Variants in NRG3 observed in about 807,000 individuals in gnomAD.
NRG3 encodes the protein pro-neuregulin-3, membrane-bound isoform.
Under a neutral mutation model 66.9 loss-of-function variants are expected in NRG3, and 31 were observed. That is an observed-to-expected ratio of 0.46 (90% CI 0.35 to 0.63). The LOEUF is 0.63. NRG3 is among the 20% of genes least tolerant of loss of function. The pLI is 0.00. For missense variants in NRG3, 910 were observed against 878.9 expected (o/e 1.04, Z -0.45); for synonymous variants, 393 against 359.4 (o/e 1.09, Z -1.06).
intron 7 of NRG3, among the ~76,000 whole-genome samples, chr10:82,977,452 T>C (rs1054578408): frequency 9.2e-5 from 14 of 151,832 alleles, no homozygotes; most frequent in African/African-American, 2.7e-4. Flanking sequence ...CTACTAAAAA[T>C]ACAAAAATTA....
chr10:82,125,494 T>A (rs1314963721), intron 1 of NRG3, among the ~76,000 whole-genome samples: 3 of 152,088 alleles, frequency 2.0e-5, no homozygotes, highest in African/African-American at 7.2e-5. Context: ...GTTAAAGTTT[T>A]TTGAAAAATG....
intron 1 of NRG3, among the ~76,000 whole-genome samples, chr10:81,941,376 C>G (rs1848389354): frequency 6.6e-6 from 1 of 151,944 alleles, no homozygotes; most frequent in Non-Finnish European, 1.5e-5. Flanking sequence ...CATTGGGTAC[C>G]TCACTTGAAA....
chr10:82,265,759 G>A (rs1233865376), intron 1 of NRG3, among the ~76,000 whole-genome samples: 2 of 152,160 alleles, frequency 1.3e-5, no homozygotes, highest in Non-Finnish European at 2.9e-5. Flanking sequence ...TCAGAGGATG[G>A]TGGTGGGGAG....
At chr10:82,762,689 T>G (rs2059375938) in intron 3 of NRG3, among the ~76,000 whole-genome samples, 1 of 152,216 alleles carries the variant, frequency 6.6e-6, no homozygotes, top group Admixed American at 6.5e-5. Flanking sequence ...CTTTATTCAA[T>G]GTATTCAACT....
At chr10:81,938,838 G>A (rs1170521901) in intron 1 of NRG3, among the ~76,000 whole-genome samples, 1 of 151,926 alleles carries the variant, frequency 6.6e-6, no homozygotes, top group Admixed American at 6.6e-5. Context: ...CCTTCTTCCT[G>A]ATCATAGGGG....
chr10:82,304,793 C>A (rs962678536), intron 1 of NRG3, among the ~76,000 whole-genome samples: 22 of 152,012 alleles, frequency 1.4e-4, no homozygotes, highest in African/African-American at 4.8e-4. Context: ...CTGGGAAATT[C>A]TTTTACTTTA....
At chr10:82,575,397 G>A (rs561765318) in intron 2 of NRG3, among the ~76,000 whole-genome samples, 1 of 151,862 alleles carries the variant, frequency 6.6e-6, no homozygotes, top group East Asian at 1.9e-4. Context: ...TGGAAGAATA[G>A]CAGGTTATTA....
chr10:82,285,817 T>G (rs1384952470), intron 1 of NRG3, among the ~76,000 whole-genome samples: 1 of 152,212 alleles, frequency 6.6e-6, no homozygotes, highest in Non-Finnish European at 1.5e-5. Context: ...TTCTTTTTAT[T>G]TAGCTTTCCA....
At chr10:82,362,805 CTGAT>C (rs1327957692) in intron 2 of NRG3, among the ~76,000 whole-genome samples, 3 of 151,970 alleles carry the variant, frequency 2.0e-5, no homozygotes, top group Admixed American at 1.3e-4. Flanking sequence ...AAATGAGAGA[CTGAT>C]TGTTCAATAA....
chr10:82,603,183 T>C (rs2047740106), intron 2 of NRG3, among the ~76,000 whole-genome samples: 1 of 152,270 alleles, frequency 6.6e-6, no homozygotes, highest in African/African-American at 2.4e-5. Context: ...TGGTGCAATT[T>C]TGCCTTCATG....
At chr10:82,828,350 G>T (rs114905598) in intron 3 of NRG3, among the ~76,000 whole-genome samples, 1,823 of 152,232 alleles carry the variant, frequency 0.012, 33 homozygotes, top group African/African-American at 0.041. Context: ...CTAGTCACAG[G>T]CTGAGAGAAG....
intron 1 of NRG3, among the ~76,000 whole-genome samples, chr10:82,139,922 T>C (rs368075348): frequency 7.1e-6 from 1 of 141,588 alleles, no homozygotes; most frequent in African/African-American, 2.6e-5. Context: ...TTTGTTAGTC[T>C]CTGAATATTT....
chr10:82,632,578 T>C (rs2049915826), intron 2 of NRG3, among the ~76,000 whole-genome samples: 1 of 152,286 alleles, frequency 6.6e-6, no homozygotes, highest in African/African-American at 2.4e-5. Context: ...CGTATTTCAT[T>C]TTCTCCTGTG....
At chr10:82,199,258 T>G (rs1252680491) in intron 1 of NRG3, among the ~76,000 whole-genome samples, 1 of 152,094 alleles carries the variant, frequency 6.6e-6, no homozygotes, top group Non-Finnish European at 1.5e-5. Flanking sequence ...ATTAATCAAT[T>G]TGTTCATTTT....
chr10:82,722,549 G>A (rs557797611), intron 2 of NRG3, among the ~76,000 whole-genome samples: 60 of 152,160 alleles, frequency 3.9e-4, no homozygotes, highest in South Asian at 2.9e-3. Flanking sequence ...ATAATGAAAA[G>A]CAATCAGTTA....
intron 4 of NRG3, among the ~76,000 whole-genome samples, chr10:82,869,606 ATTTTATTTTATTTTATTTTG>A (rs1841099325): frequency 1.4e-5 from 2 of 143,772 alleles, no homozygotes; most frequent in African/African-American, 5.2e-5. Context: ...ATTTTATTTT[ATTTTATTTTATTTTATTTTG>A]AGACAGAGTT....
At chr10:82,102,058 GTA>G (rs2132121140) in intron 1 of NRG3, among the ~76,000 whole-genome samples, 1 of 136,308 alleles carries the variant, frequency 7.3e-6, no homozygotes, top group South Asian at 2.3e-4. Context: ...TAATGTGTGT[GTA>G]TATATGTGTG....
At position 82,264,400 on chromosome 10, in the gene NRG3, T is replaced by A. The variant is rs557987122; in HGVS notation, c.824-94339T>A. ...ATCATGAGAACAGCCCGGGGGAAAC[T>A]GCGACCCCCACTCCCGCCCCGCCCG... On this transcript the variant is annotated intron_variant, in intron 1 of 8. Transcript: ENST00000372141. Among the ~76,000 whole-genome samples, 8 of 152,204 alleles carry A rather than the reference T, an allele frequency of 5.3e-5. No individual in the cohort carries two copies. The East Asian group carries it at 1.6e-3, about 30-fold the overall frequency.
chr10:82,651,475 A>C (rs1434040053), intron 2 of NRG3, among the ~76,000 whole-genome samples: 1 of 152,212 alleles, frequency 6.6e-6, no homozygotes, highest in Non-Finnish European at 1.5e-5. Flanking sequence ...CTCTCAGGTC[A>C]TTCTGTCTGG....
Sources: allele counts gnomAD v4.1 joint callset (sites outside exome capture counted in the v4.1 genomes callset), GRCh38; gene constraint gnomAD v4.1.1; transcripts MANE v1.5; gene names NCBI Gene and HGNC (gene_info 2026-07-23, HGNC 2026-07-21).